ZFP28: variants seen among roughly 807,000 people sequenced by gnomAD.
ZFP28 encodes zinc finger protein 28 homolog.
In ZFP28, 31 loss-of-function variants were observed where a neutral mutation model predicts 39.5. The ratio of observed to expected loss-of-function variants is 0.79; its 90% CI spans 0.59 to 1.06. The LOEUF (loss-of-function observed/expected upper bound fraction) is 1.06, where lower values mean the gene tolerates loss of function less well. Ranked by LOEUF, ZFP28 falls within the 50% of genes least tolerant of loss-of-function variation. The pLI is 0.00. For missense variants in ZFP28, 925 were observed against 1,048.4 expected (o/e 0.88, Z 1.63); for synonymous variants, 400 against 378.6 (o/e 1.06, Z -0.66).
chr19:56,553,644 A>G (rs1463164684), intron 7 of ZFP28, 40 bp from the exon 8 acceptor site: 10 of 1,524,914 alleles, frequency 6.6e-6, no homozygotes, highest in Non-Finnish European at 7.9e-6. Flanking sequence ...TTTTCCTAGC[A>G]CACGAAAAAG....
At position 56,539,676 on chromosome 19, in the gene ZFP28, A is replaced by G. The variant is rs1355567342; in HGVS notation, c.260A>G (p.Glu87Gly). The change falls in exon 2 of 8, where the codon GAG becomes GGG. Residue 87 changes from glutamate to glycine, a missense_variant. This residue lies in a region of ZFP28 where 556 missense variants were observed against 542.9 expected (regional missense o/e 1.02). Coordinates refer to ENST00000301318, the MANE Select transcript of ZFP28 (RefSeq NM_020828.2). ...CCCCAGGAGAGAAACAAGAAGCTGG[A>G]GGCTGTGGGGACAGGAATTGAACCT... The part of the protein sequence containing the change: ...ALPQERNKKL[E>G]AVGTGIEPKA... 4 of 1,614,144 alleles carry G rather than the reference A, an allele frequency of 2.5e-6. No homozygotes were observed. The highest frequency in any genetic ancestry group is 2.5e-6 in the Non-Finnish European group (3 of 1,180,012).
At chr19:56,550,946 C>A in intron 7 of ZFP28, 4 of 1,400,638 alleles carry the variant, frequency 2.9e-6, no homozygotes. Flanking sequence ...TTGTTTTCAT[C>A]ATGCATCCAT....
At chr19:56,551,513 G>C in intron 7 of ZFP28, 1 of 984,840 alleles carries the variant, frequency 1.0e-6, no homozygotes, top group Non-Finnish European at 1.2e-6. Flanking sequence ...TAGTATTAAA[G>C]ATACAATTAT....
rs142195358 is a variant in ZFP28, at chr19:56,554,454, G to A, written c.1669G>A (p.Gly557Arg). The A allele has an allele frequency of 3.3e-5, 54 of 1,614,048 alleles. No homozygotes were observed. Among genetic ancestry groups the A allele is most frequent in the Non-Finnish European group, 3.6e-5 (42 of 1,180,034 alleles). The change falls in exon 8 of 8, where the codon GGA (glycine) becomes AGA (arginine). Residue 557 changes from glycine to arginine, a missense_variant. Transcript: ENST00000301318. The surrounding 1 kb of genome is among the most constrained non-coding windows in gnomAD (Gnocchi z 6.7). ...SLTVHQRIHT[G>R]EKPYECDVCR... is the part of the protein sequence containing the mutation. ...TACTGTACATCAAAGGATTCATACC[G>A]GAGAAAAACCATATGAATGTGATGT...
At chr19:56,546,626 G>T (rs963340205) in intron 2 of ZFP28, 1 of 151,896 alleles carries the variant, frequency 6.6e-6, no homozygotes, top group Non-Finnish European at 1.5e-5. Context: ...AAAATTGCTA[G>T]ATTTTTTTTT....
At chr19:56,553,052 T>C (rs2044319376) in intron 7 of ZFP28, 1 of 152,192 alleles carries the variant, frequency 6.6e-6, no homozygotes, top group Admixed American at 6.5e-5. Flanking sequence ...TATAAGCATA[T>C]CAAAACATTT....
At position 56,554,153 on chromosome 19, in the gene ZFP28, C is replaced by G. The variant is rs2044328827; in HGVS notation, c.1368C>G (p.Ala456=). The G allele has an allele frequency of 6.2e-7, 1 of 1,614,152 alleles. No individual in the cohort carries two copies. Among genetic ancestry groups the G allele is most frequent in the Non-Finnish European group, 8.5e-7 (1 of 1,180,034 alleles). ...KPYKCNECGK[A]FSDGSSFARH... ...ATAAATGTAATGAATGTGGGAAGGCCTTTAGTGACGGCTCATCCTTTGCCC... is the reference window on the plus strand; with the variant it reads ...ATAAATGTAATGAATGTGGGAAGGCGTTTAGTGACGGCTCATCCTTTGCCC... The change falls in exon 8 of 8, where the codon GCC becomes GCG. Residue 456 remains alanine (A), a synonymous_variant. Coordinates refer to ENST00000301318, the MANE Select transcript of ZFP28 (RefSeq NM_020828.2). The surrounding 1 kb of genome is among the most constrained non-coding windows in gnomAD (Gnocchi z 6.7).
chr19:56,540,257 G>A (rs1358354901), intron 2 of ZFP28, among the ~76,000 whole-genome samples: 1 of 152,228 alleles, frequency 6.6e-6, no homozygotes, highest in East Asian at 1.9e-4. Flanking sequence ...TTACCAAGGA[G>A]GTGATTTTTG....
chr19:56,541,591 T>G (rs2044195630), intron 2 of ZFP28, among the ~76,000 whole-genome samples: 1 of 152,192 alleles, frequency 6.6e-6, no homozygotes, highest in South Asian at 2.1e-4. Context: ...CTACATGACC[T>G]GGCTCCTTGT....
At position 56,549,052 on chromosome 19, in the gene ZFP28, A is replaced by G; in HGVS notation, c.618A>G (p.Thr206=). ...LSQAVITERL[T]SYNLEYSLLG... ...AGGCAGTGATAACAGAGAGACTCAC[A>G]AGCTATAATCTGGAGTACTCTCTGT... Residue 206 remains threonine (T), a synonymous_variant, in exon 5 of 8, where the codon ACA becomes ACG. Transcript: ENST00000301318. 1.9e-6 allele frequency: 3 copies of G among 1,614,162 alleles called. No homozygotes were observed. Among genetic ancestry groups the G allele is most frequent in the Non-Finnish European group, 2.5e-6 (3 of 1,180,024 alleles).
intron 2 of ZFP28, among the ~76,000 whole-genome samples, chr19:56,545,382 AG>A (rs1198655517): frequency 5.9e-5 from 9 of 152,366 alleles, no homozygotes; most frequent in Non-Finnish European, 1.3e-4. Flanking sequence ...AAAGTTTGGT[AG>A]CAGGTTAAAG....
At chr19:56,546,837 T>A (rs1479529077) in intron 2 of ZFP28, 1 of 152,588 alleles carries the variant, frequency 6.6e-6, no homozygotes, top group Admixed American at 6.5e-5. Flanking sequence ...TTATTTATAG[T>A]TTTGAATTGA....
At chr19:56,551,161 G>A (rs2147961380) in intron 7 of ZFP28, 1 of 994,782 alleles carries the variant, frequency 1.0e-6, no homozygotes, top group Non-Finnish European at 1.2e-6. Flanking sequence ...CAAAGGAGAT[G>A]TTGTTCCCAG....
chr19:56,538,926 C>A (rs1421129452), upstream of ZFP28: 32 of 1,068,028 alleles, frequency 3.0e-5, no homozygotes, highest in Non-Finnish European at 3.7e-5. Context: ...GGAGCGCGCG[C>A]GGGGCTGTTC....
chr19:56,543,314 T>G (rs2044211901), intron 2 of ZFP28, among the ~76,000 whole-genome samples: 1 of 148,032 alleles, frequency 6.8e-6, no homozygotes, highest in Admixed American at 6.7e-5. Flanking sequence ...TGTGTGTGCG[T>G]GTGTTTATAT....
intron 7 of ZFP28, chr19:56,550,992 G>A (rs1199304349): frequency 1.2e-5 from 16 of 1,331,938 alleles, no homozygotes; most frequent in Non-Finnish European, 1.2e-5. Flanking sequence ...TTATGGGATT[G>A]AGCCACTCTG....
Position 56,539,693 on chromosome 19 carries a change from A to G in ZFP28, c.277A>G (p.Ile93Val). The G allele has an allele frequency of 6.2e-7, 1 of 1,614,126 alleles. No individual in the cohort carries two copies. The highest frequency in any genetic ancestry group is 8.5e-7 in the Non-Finnish European group (1 of 1,179,998). ...GAAGCTGGAGGCTGTGGGGACAGGA[A>G]TTGAACCTAAAGCCATGTCCCAGGT... ...NKKLEAVGTG[I>V]EPKAMSQGLV... Residue 93 changes from isoleucine to valine, a missense_variant, in exon 2 of 8, where the codon ATT becomes GTT. Physicochemically the swap from Ile to Val is conservative, Grantham distance 29. Transcript: ENST00000301318.
intron 7 of ZFP28, chr19:56,551,712 A>G: frequency 1.0e-6 from 1 of 984,328 alleles, no homozygotes; most frequent in African/African-American, 1.7e-5. Context: ...TATTTGTTGA[A>G]AGATTATACA....
In ZFP28 at chr19:56,555,236, A is replaced by G. The variant is rs1342724276; in HGVS notation, c.2451A>G (p.Lys817=). The G allele has an allele frequency of 1.2e-6, 2 of 1,614,212 alleles. No homozygotes were observed. Among genetic ancestry groups the G allele is most frequent in the Middle Eastern group, 1.6e-4 (1 of 6,062 alleles). Residue 817 remains lysine, a synonymous_variant, in exon 8 of 8, where the codon AAA becomes AAG. Transcript: ENST00000301318. ...GAGAGAGATCTTATAACTATAAGAA[A>G]AGCAGAAAAGTCTTCAGGCAAACTG... ...HTGERSYNYK[K]SRKVFRQTAH...
Sources: allele counts gnomAD v4.1 joint callset (sites outside exome capture counted in the v4.1 genomes callset), GRCh38; gene constraint gnomAD v4.1.1; regional missense constraint gnomAD v4.1.1; non-coding constraint Gnocchi (gnomAD v3.1); transcripts MANE v1.5; gene names NCBI Gene and HGNC (gene_info 2026-07-23, HGNC 2026-07-21).